SIRPD: variants seen among roughly 807,000 people sequenced by gnomAD.
SIRPD encodes signal regulatory protein delta.
SIRPD carries 21 observed loss-of-function variants against 18.0 expected under a neutral mutation model. The observed-to-expected ratio is 1.17, with a 90% CI of 0.83 to 1.68. SIRPD has a LOEUF of 1.68. SIRPD is among the 40% of genes most tolerant of loss of function. The pLI, the probability that SIRPD is intolerant of heterozygous loss-of-function variation, is 0.00. For synonymous variants in SIRPD, 106 were observed against 92.9 expected (o/e 1.14, Z -0.81); for missense variants, 295 against 238.4 (o/e 1.24, Z -1.56).
intron 1 of SIRPD, chr20:1,553,800 G>A (rs1406271946): frequency 6.6e-6 from 1 of 152,252 alleles, no homozygotes; most frequent in Non-Finnish European, 1.5e-5. Context: ...TACTAGAAAG[G>A]CTATTAGAAG....
chr20:1,540,062 A>T (rs2123119720), intron 2 of SIRPD: 1 of 285,664 alleles, frequency 3.5e-6, no homozygotes, highest in South Asian at 3.2e-5. Flanking sequence ...TTTGTTATGC[A>T]GCATAGATGA....
At chr20:1,552,377 G>T (rs1363972656) in intron 1 of SIRPD, among the ~76,000 whole-genome samples, 1 of 152,088 alleles carries the variant, frequency 6.6e-6, no homozygotes, top group Admixed American at 6.6e-5. Flanking sequence ...GAGTCACTCG[G>T]TACATTTGGA....
At chr20:1,535,760 C>T (rs149601164) in intron 3 of SIRPD, among the ~76,000 whole-genome samples, 13 of 152,248 alleles carry the variant, frequency 8.5e-5, no homozygotes, top group South Asian at 2.1e-4. Context: ...TTTTACTTTG[C>T]GAAAATAACC....
In SIRPD at chr20:1,534,346, TA is replaced by T. The variant is rs749567795; in HGVS notation, c.*78del. 1.1e-4 allele frequency: 175 copies of T among 1,590,530 alleles called. No homozygotes were observed. Among genetic ancestry groups the T allele is most frequent in the Non-Finnish European group, 1.4e-4 (166 of 1,170,646 alleles). ...TCTTGAAGAAGGCAAATGAAACTCC[TA>T]AAAAGTAGCTGTCTCCAGGGAGTCA... is the stretch of plus-strand genomic sequence containing the variant. On this transcript the variant is annotated 3_prime_UTR_variant, in exon 4 of 4. Coordinates refer to ENST00000381623, the MANE Select transcript of SIRPD (RefSeq NM_178460.3).
intron 2 of SIRPD, among the ~76,000 whole-genome samples, chr20:1,542,818 G>A (rs1030946096): frequency 6.6e-6 from 1 of 152,120 alleles, no homozygotes; most frequent in East Asian, 1.9e-4. Flanking sequence ...TCAATACCTA[G>A]TTTATTGAGT....
chr20:1,538,120 C>T (rs1479020616), intron 2 of SIRPD, among the ~76,000 whole-genome samples: 4 of 152,306 alleles, frequency 2.6e-5, no homozygotes, highest in Non-Finnish European at 5.9e-5. Context: ...ATGAGCTCAT[C>T]ACTTCTGTGG....
intron 2 of SIRPD, chr20:1,540,206 A>G: frequency 4.6e-6 from 2 of 436,188 alleles, no homozygotes; most frequent in Non-Finnish European, 9.1e-6. Flanking sequence ...TGCTGGCAGC[A>G]AACCAGAAGC....
intron 2 of SIRPD, among the ~76,000 whole-genome samples, chr20:1,537,671 G>A (rs2090953340): frequency 6.6e-6 from 1 of 152,056 alleles, no homozygotes; most frequent in Non-Finnish European, 1.5e-5. Context: ...AGGGCTCCCG[G>A]GAATGGGGCT....
intron 2 of SIRPD, among the ~76,000 whole-genome samples, chr20:1,539,185 T>G (rs1642629520): frequency 6.6e-6 from 1 of 152,236 alleles, no homozygotes; most frequent in South Asian, 2.1e-4. Flanking sequence ...AGTATTTTAA[T>G]TATTATTTAG....
chr20:1,554,230 A>C (rs2091030328), intron 1 of SIRPD: 1 of 152,604 alleles, frequency 6.6e-6, no homozygotes, highest in Non-Finnish European at 1.5e-5. Context: ...GGGTTAGGAC[A>C]TCTCCGGGAT....
At chr20:1,535,772 C>T (rs1241336199) in intron 3 of SIRPD, among the ~76,000 whole-genome samples, 2 of 152,198 alleles carry the variant, frequency 1.3e-5, no homozygotes, top group African/African-American at 4.8e-5. Context: ...AAAATAACCT[C>T]CCTGAGGCTC....
At chr20:1,546,934 T>C (rs1176753092) in intron 2 of SIRPD, among the ~76,000 whole-genome samples, 1 of 152,226 alleles carries the variant, frequency 6.6e-6, no homozygotes, top group East Asian at 1.9e-4. Context: ...ATCAGATATG[T>C]AATTTGCAAA....
chr20:1,548,601 T>C (rs566053203), intron 2 of SIRPD, among the ~76,000 whole-genome samples: 1 of 152,240 alleles, frequency 6.6e-6, no homozygotes, highest in East Asian at 1.9e-4. Flanking sequence ...CTGGTGTCGA[T>C]ATCAGGGTAA....
At position 1,551,795 on chromosome 20, in the gene SIRPD, T is replaced by A; in HGVS notation, c.317A>T (p.Glu106Val). 6.2e-7 allele frequency: 1 copy of A among 1,614,114 alleles called. No homozygotes were observed. Among genetic ancestry groups the A allele is most frequent in the Non-Finnish European group, 8.5e-7 (1 of 1,179,980 alleles). Reference sequence around the variant, plus strand: ...GGTGCCAGCATCAGCAAGAGAGATTTCACGGATGCGGGTGGAAAAGTCTGT... The same window carrying A: ...GGTGCCAGCATCAGCAAGAGAGATTACACGGATGCGGGTGGAAAAGTCTGT... Reference protein sequence around the residue: ...GNTDFSTRIREISLADAGTYY... With the variant: ...GNTDFSTRIRVISLADAGTYY... Residue 106 changes from glutamate (E) to valine (V), a missense_variant, in exon 2 of 4, where the codon GAA (glutamate) becomes GTA (valine). Glu to Val is a moderately radical substitution (Grantham distance 121). Transcript: ENST00000381623.
chr20:1,539,951 T>C (rs2090963314), intron 2 of SIRPD, among the ~76,000 whole-genome samples: 2 of 152,200 alleles, frequency 1.3e-5, no homozygotes, highest in Non-Finnish European at 2.9e-5. Flanking sequence ...AAAGAGACCT[T>C]AAACCAAGAT....
At chr20:1,544,851 A>T (rs1015409842) in intron 2 of SIRPD, among the ~76,000 whole-genome samples, 4 of 151,976 alleles carry the variant, frequency 2.6e-5, no homozygotes, top group African/African-American at 7.3e-5. Context: ...TCTGTAAAGG[A>T]TTTTATTTAT....
Position 1,537,318 on chromosome 20 carries a change from G to T in SIRPD, c.422-8C>A. The T allele has an allele frequency of 1.9e-6, 3 of 1,612,718 alleles. No homozygotes were observed. The highest frequency in any genetic ancestry group is 2.5e-6 in the Non-Finnish European group (3 of 1,179,100). Reference sequence around the variant, plus strand: ...GAGGTCTTGGATTCTGCTCTGCTGAGAGAGGCAAAACTATGTGTTCCATGA... The same window carrying T: ...GAGGTCTTGGATTCTGCTCTGCTGATAGAGGCAAAACTATGTGTTCCATGA... On this transcript the variant is annotated splice_polypyrimidine_tract_variant and splice_region_variant and intron_variant, in intron 2 of 3. Coordinates refer to ENST00000381623, the MANE Select transcript of SIRPD (RefSeq NM_178460.3).
intron 1 of SIRPD, among the ~76,000 whole-genome samples, chr20:1,553,184 C>T (rs982547579): frequency 2.0e-5 from 3 of 152,206 alleles, no homozygotes; most frequent in African/African-American, 2.4e-5. Flanking sequence ...GATTGATACA[C>T]AAGACCCCTC....
chr20:1,546,455 G>C (rs1432512895), intron 2 of SIRPD, among the ~76,000 whole-genome samples: 1 of 152,166 alleles, frequency 6.6e-6, no homozygotes, highest in Non-Finnish European at 1.5e-5. Flanking sequence ...ATATTCCACT[G>C]TATGTATAGA....
Sources: allele counts gnomAD v4.1 joint callset (sites outside exome capture counted in the v4.1 genomes callset), GRCh38; gene constraint gnomAD v4.1.1; transcripts MANE v1.5; gene names NCBI Gene and HGNC (gene_info 2026-07-23, HGNC 2026-07-21).